MGRN1: variants seen among roughly 807,000 people sequenced by gnomAD.
MGRN1 encodes mahogunin ring finger 1.
In MGRN1, 29 loss-of-function variants were observed where a neutral mutation model predicts 69.2. The observed-to-expected ratio is 0.42, with a 90% CI of 0.31 to 0.57. The LOEUF (loss-of-function observed/expected upper bound fraction) is 0.57. Among genes scored for constraint, MGRN1 ranks in the 20% least tolerant of loss-of-function variants. The pLI is 0.15. For missense variants in MGRN1, 998 were observed against 796.2 expected, an observed-to-expected ratio of 1.25 and a Z score of -3.05; for synonymous variants, 470 against 344.2, an observed-to-expected ratio of 1.37 and a Z score of -4.04.
In MGRN1 at chr16:4,690,503, C is replaced by G. The variant is rs1400023814; in HGVS notation, c.*1595C>G. ...GTCCTCACACCCAGCTCCCTGCACA[C>G]CCAGGCCAGCCACCCCTCCCGCTCG... On this transcript the variant is annotated 3_prime_UTR_variant, in exon 17 of 17. Transcript: ENST00000262370. The G allele has an allele frequency of 6.6e-6, 1 of 152,532 alleles. No individual in the cohort carries two copies. The highest frequency in any genetic ancestry group is 1.5e-5 in the Non-Finnish European group (1 of 68,230). 9.4% of individuals were successfully genotyped at this position (152,532 alleles called of 1,614,324 possible).
At chr16:4,643,531 C>T (rs1378791735) in intron 1 of MGRN1, among the ~76,000 whole-genome samples, 2 of 151,724 alleles carry the variant, frequency 1.3e-5, no homozygotes, top group African/African-American at 4.8e-5. Flanking sequence ...GCCACCACAC[C>T]TGGCTAATTT....
intron 1 of MGRN1, among the ~76,000 whole-genome samples, chr16:4,632,096 C>T (rs528706711): frequency 2.1e-5 from 3 of 143,664 alleles, no homozygotes; most frequent in African/African-American, 7.9e-5. Flanking sequence ...CTCACTCCAA[C>T]CTCTGCCTCG....
At chr16:4,680,944 C>T (rs1029171322) in intron 12 of MGRN1, among the ~76,000 whole-genome samples, 1 of 152,242 alleles carries the variant, frequency 6.6e-6, no homozygotes, top group African/African-American at 2.4e-5. Flanking sequence ...TTTGTGGGGA[C>T]AGAGCAGGGG....
intron 2 of MGRN1, chr16:4,650,711 A>T: frequency 2.4e-6 from 1 of 419,906 alleles, no homozygotes; most frequent in Non-Finnish European, 4.2e-6. Context: ...TCACTGAGAA[A>T]CAGAGCAGCC....
At chr16:4,652,932 T>G (rs1277892832) in intron 4 of MGRN1, 108 bp downstream of exon 4, 1 of 1,360,714 alleles carries the variant, frequency 7.3e-7, no homozygotes, top group African/African-American at 1.5e-5. Context: ...CCGTGCTCTT[T>G]GACCATACTC....
intron 5 of MGRN1, among the ~76,000 whole-genome samples, chr16:4,658,209 G>A (rs960077703): frequency 6.6e-6 from 1 of 151,918 alleles, no homozygotes; most frequent in Non-Finnish European, 1.5e-5. Flanking sequence ...AGCTTGCAAA[G>A]ACCCTGGTCC....
Position 4,625,030 on chromosome 16 carries a change from C to T in MGRN1, c.70C>T (p.Arg24Cys), listed in dbSNP as rs1389726955. Residue 24 changes from arginine to cysteine, a missense_variant, in exon 1 of 17, where the codon CGC becomes TGC. Coordinates refer to ENST00000262370, the MANE Select transcript of MGRN1 (RefSeq NM_015246.4). The stretch of plus-strand genomic sequence containing the variant: ...CGACATCCAGGCGAACTCGGCCTAT[C>T]GCTACCCTCCGAAGTCCGGTGAGCG... The part of the protein sequence containing the change: ...DIDIQANSAY[R>C]YPPKSGNYFA... 2.1e-5 allele frequency: 33 copies of T among 1,552,300 alleles called. No homozygotes were observed. The highest frequency in any genetic ancestry group is 2.7e-5 in the Non-Finnish European group (31 of 1,152,212).
Position 4,665,082 on chromosome 16 carries a change from T to C in MGRN1, c.629-20T>C, listed in dbSNP as rs756842590. On this transcript the variant is annotated intron_variant, in intron 6 of 16. Transcript: ENST00000262370. ...GGGCAGGCCCCGACTCTGACTACTC[T>C]GCCCCTCTCTCCCCAGCAGTGGTGG... is the stretch of plus-strand genomic sequence containing the variant. 4 of 1,614,156 alleles carry C rather than the reference T, an allele frequency of 2.5e-6. No homozygotes were observed. The East Asian group carries it at 6.7e-5, about 27-fold the overall frequency.
intron 1 of MGRN1, chr16:4,649,966 C>A: frequency 6.1e-6 from 1 of 163,130 alleles, no homozygotes; most frequent in South Asian, 1.4e-4. Context: ...AGCTTCTTGG[C>A]CGTCAGATGT....
chr16:4,652,184 G>C (rs2078424306), intron 3 of MGRN1, 133 bp downstream of exon 3: 1 of 803,868 alleles, frequency 1.2e-6, no homozygotes, highest in Admixed American at 2.4e-5. Flanking sequence ...TGTGGAATGA[G>C]AGGCTGTCCT....
rs368624233 is a variant in MGRN1, at chr16:4,677,413, G to A, written c.956-50G>A. The A allele has an allele frequency of 6.0e-5, 86 of 1,432,178 alleles. 1 individual carries two copies. The African/African-American group carries it at 1.1e-3, about 18-fold the overall frequency. The allele number at this position is 1,432,178 out of a possible 1,614,324, so 88.7% of individuals were successfully genotyped here. On this transcript the variant is annotated intron_variant, in intron 10 of 16. Coordinates refer to ENST00000262370, the MANE Select transcript of MGRN1 (RefSeq NM_015246.4). ...TCCCTGGGGCTGGGAGGGTCCCCTCGGGGCTGGGTGTGTCGCCTGGGCCTG... is the reference window on the plus strand; with the variant it reads ...TCCCTGGGGCTGGGAGGGTCCCCTCAGGGCTGGGTGTGTCGCCTGGGCCTG...
intron 16 of MGRN1, chr16:4,687,109 A>G: frequency 1.0e-6 from 1 of 985,414 alleles, no homozygotes; most frequent in Non-Finnish European, 1.2e-6. Flanking sequence ...TTGTGCCATG[A>G]GCCCACTGCT....
Position 4,664,709 on chromosome 16 carries a change from C to T in MGRN1, c.562C>T (p.Leu188=). The T allele has an allele frequency of 6.2e-7, 1 of 1,614,222 alleles. No homozygotes were observed. Among genetic ancestry groups the T allele is most frequent in the Non-Finnish European group, 8.5e-7 (1 of 1,180,050 alleles). The stretch of plus-strand genomic sequence containing the variant: ...CCATTCTTGGCAACTCTCTCCTCAG[C>T]TGAACTTTGACCTGGACCGGGGCGT... ...IDFSEWKDDE[L]NFDLDRGVFP... is the part of the protein sequence containing the mutation. The change falls in exon 6 of 17, where the codon CTG becomes TTG. Residue 188 remains leucine (L), a splice_region_variant and synonymous_variant. Coordinates refer to ENST00000262370, the MANE Select transcript of MGRN1 (RefSeq NM_015246.4).
intron 1 of MGRN1, among the ~76,000 whole-genome samples, chr16:4,648,861 C>T (rs1452345654): frequency 4.2e-5 from 6 of 142,570 alleles, no homozygotes; most frequent in Non-Finnish European, 9.2e-5. Flanking sequence ...CGTGGTCACC[C>T]GGCTCCTCCT....
At chr16:4,647,768 G>C (rs1305884222) in intron 1 of MGRN1, among the ~76,000 whole-genome samples, 8 of 152,198 alleles carry the variant, frequency 5.3e-5, no homozygotes, top group Non-Finnish European at 1.0e-4. Flanking sequence ...TGCTGAAGCA[G>C]TTGCCGCTTT....
At chr16:4,674,626 CT>C (rs71139654) in intron 10 of MGRN1, among the ~76,000 whole-genome samples, 84 of 47,276 alleles carry the variant, frequency 1.8e-3, no homozygotes, top group African/African-American at 5.0e-3. Context: ...CTTTTCTTTT[CT>C]TTTTTTTTTT....
chr16:4,646,999 G>C (rs368201239), intron 1 of MGRN1, among the ~76,000 whole-genome samples: 3 of 152,216 alleles, frequency 2.0e-5, no homozygotes, highest in African/African-American at 7.2e-5. Flanking sequence ...ACCTCAGTAC[G>C]TCAGCGCTGG....
intron 4 of MGRN1, among the ~76,000 whole-genome samples, chr16:4,656,513 C>A (rs1362129462): frequency 2.0e-5 from 3 of 152,240 alleles, no homozygotes; most frequent in Admixed American, 2.0e-4. Context: ...GGACAGCAGG[C>A]CTCTGGGAGC....
rs781105562 is a variant in MGRN1, at chr16:4,651,945, C to G, written c.208-18C>G. 5 of 1,613,068 alleles carry G rather than the reference C, an allele frequency of 3.1e-6. No individual in the cohort carries two copies. The Admixed American group carries it at 8.3e-5, about 27-fold the overall frequency. ...GCTCCTGAGGGAGTCACCTGGGGCC[C>G]TGTGGTTTTTCTCCTAGTTTCCCTA... is the stretch of plus-strand genomic sequence containing the variant. On this transcript the variant is annotated intron_variant, in intron 2 of 16. Coordinates refer to ENST00000262370, the MANE Select transcript of MGRN1 (RefSeq NM_015246.4).
Sources: gnomAD v4.1 joint callset for allele counts (sites outside exome capture counted in the v4.1 genomes callset) on GRCh38, gnomAD v4.1.1 for gene constraint, MANE v1.5 for transcripts, NCBI Gene and HGNC (gene_info 2026-07-23, HGNC 2026-07-21) for gene names.